RPS6KC1: variants seen among roughly 807,000 people sequenced by gnomAD.
The protein encoded by RPS6KC1 is inactive ribosomal protein S6 kinase delta-1.
A neutral mutation model predicts 103.8 loss-of-function variants in RPS6KC1; 54 were observed. That is an observed-to-expected ratio of 0.52 (90% CI 0.42 to 0.65). The LOEUF (loss-of-function observed/expected upper bound fraction) is 0.65, where lower values mean the gene tolerates loss of function less well. Among genes scored for constraint, RPS6KC1 ranks in the 30% least tolerant of loss-of-function variants. The probability of loss-of-function intolerance (pLI) is 0.00; values close to 1 mark genes in which losing one functional copy is unlikely to be tolerated. For missense variants in RPS6KC1, 1,151 were observed against 1,253.8 expected (o/e 0.92, Z 1.24); for synonymous variants, 439 against 438.7 (o/e 1.00, Z -0.01).
At chr1:213,232,343 A>G in intron 10 of RPS6KC1, 88 bp downstream of exon 10, 1 of 1,516,848 alleles carries the variant, frequency 6.6e-7, no homozygotes, top group South Asian at 1.1e-5. Flanking sequence ...GAGCAGATAG[A>G]ATATATGAAA....
the RPS6KC1 span, among the ~76,000 whole-genome samples, chr1:213,651,202 A>G: frequency 1.3e-5 from 2 of 152,118 alleles, no homozygotes; most frequent in Non-Finnish European, 2.9e-5. Flanking sequence ...ATCTTCGACC[A>G]TCTCCACAGG....
At chr1:213,348,347 T>C in the RPS6KC1 span, among the ~76,000 whole-genome samples, 1 of 152,230 alleles carries the variant, frequency 6.6e-6, no homozygotes, top group Non-Finnish European at 1.5e-5. Flanking sequence ...CTTATCTCCA[T>C]GGTTGTTTTC....
the RPS6KC1 span, among the ~76,000 whole-genome samples, chr1:213,577,759 G>A: frequency 3.3e-5 from 5 of 152,310 alleles, no homozygotes; most frequent in East Asian, 9.6e-4. Context: ...TGACTTGGCT[G>A]TTCTTAAAAA....
chr1:213,651,775 G>C, the RPS6KC1 span, among the ~76,000 whole-genome samples: 13 of 152,260 alleles, frequency 8.5e-5, no homozygotes, highest in Admixed American at 1.3e-4. Flanking sequence ...GAAAAGGTTG[G>C]AAAAACATGG....
At chr1:213,188,708 G>A (rs1280359302) in intron 8 of RPS6KC1, among the ~76,000 whole-genome samples, 1 of 152,042 alleles carries the variant, frequency 6.6e-6, no homozygotes, top group Non-Finnish European at 1.5e-5. Context: ...TCATAGCACT[G>A]ATGAAAGAAA....
the RPS6KC1 span, among the ~76,000 whole-genome samples, chr1:213,656,688 C>T: frequency 6.6e-6 from 1 of 152,084 alleles, no homozygotes; most frequent in Non-Finnish European, 1.5e-5. Flanking sequence ...TGAAAGCATT[C>T]TTATGCACTC....
the RPS6KC1 span, among the ~76,000 whole-genome samples, chr1:213,827,511 T>G: frequency 6.6e-6 from 1 of 152,162 alleles, no homozygotes; most frequent in South Asian, 2.1e-4. Context: ...AGCCTGGCCC[T>G]CTGCTTTCTA....
chr1:213,469,433 A>G, the RPS6KC1 span, among the ~76,000 whole-genome samples: 3 of 152,062 alleles, frequency 2.0e-5, no homozygotes, highest in Admixed American at 2.0e-4. Flanking sequence ...TCTCCTCACT[A>G]TTGGATTGTT....
intron 14 of RPS6KC1, among the ~76,000 whole-genome samples, chr1:213,263,738 T>G (rs1558657363): frequency 6.6e-6 from 1 of 152,170 alleles, no homozygotes; most frequent in Admixed American, 6.5e-5. Context: ...CAAGGCACAG[T>G]GCTATAAGCT....
At chr1:213,370,248 A>ATTTTATTTTATTTTAT in the RPS6KC1 span, among the ~76,000 whole-genome samples, 35 of 142,158 alleles carry the variant, frequency 2.5e-4, no homozygotes, top group African/African-American at 9.6e-4. Context: ...ATTTTATTTT[A>ATTTTATTTTATTTTAT]TTTATTTTAT....
At chr1:213,843,532 G>T in the RPS6KC1 span, 1 of 152,132 alleles carries the variant, frequency 6.6e-6, no homozygotes, top group Non-Finnish European at 1.5e-5. Context: ...CTTCAGTGCA[G>T]AATAGTAGAA....
At chr1:213,636,497 A>T in the RPS6KC1 span, among the ~76,000 whole-genome samples, 1 of 152,194 alleles carries the variant, frequency 6.6e-6, no homozygotes, top group Non-Finnish European at 1.5e-5. Flanking sequence ...ACAATCTGAC[A>T]AAAACAAGAA....
At chr1:213,486,586 A>G in the RPS6KC1 span, among the ~76,000 whole-genome samples, 5 of 152,160 alleles carry the variant, frequency 3.3e-5, no homozygotes, top group African/African-American at 9.7e-5. Flanking sequence ...TCAAGATACT[A>G]TATTCAAGAA....
the RPS6KC1 span, among the ~76,000 whole-genome samples, chr1:213,627,453 C>T: frequency 6.6e-6 from 1 of 152,056 alleles, no homozygotes; most frequent in African/African-American, 2.4e-5. Context: ...GAACTTCCAA[C>T]ACTATGTTGA....
At chr1:213,497,094 C>T in the RPS6KC1 span, among the ~76,000 whole-genome samples, 1 of 152,144 alleles carries the variant, frequency 6.6e-6, no homozygotes, top group Non-Finnish European at 1.5e-5. Flanking sequence ...CATAAATCAG[C>T]AGAGAAAAAT....
the RPS6KC1 span, among the ~76,000 whole-genome samples, chr1:213,363,389 T>C: frequency 6.6e-6 from 1 of 152,208 alleles, no homozygotes; most frequent in Non-Finnish European, 1.5e-5. Flanking sequence ...CATAGTCTAG[T>C]GCTGAGCACC....
At chr1:213,481,933 G>T in the RPS6KC1 span, among the ~76,000 whole-genome samples, 1 of 152,160 alleles carries the variant, frequency 6.6e-6, no homozygotes, top group African/African-American at 2.4e-5. Flanking sequence ...TTGTGGTGCT[G>T]TCCTTGTGAT....
chr1:213,151,474 T>C, intron 6 of RPS6KC1, among the ~76,000 whole-genome samples: 1 of 134,558 alleles, frequency 7.4e-6, no homozygotes, highest in African/African-American at 2.9e-5. Context: ...GGCGGGGGGC[T>C]GACCCCCCCA....
At chr1:213,499,229 G>T in the RPS6KC1 span, among the ~76,000 whole-genome samples, 1 of 152,138 alleles carries the variant, frequency 6.6e-6, no homozygotes, top group East Asian at 1.9e-4. Flanking sequence ...TACAGAACTA[G>T]AGGTATACAA....
Sources: allele counts gnomAD v4.1 joint callset (sites outside exome capture counted in the v4.1 genomes callset), GRCh38; gene constraint gnomAD v4.1.1; transcripts MANE v1.5; gene names NCBI Gene and HGNC (gene_info 2026-07-23, HGNC 2026-07-21).